The following MIGA2 variants were observed in gnomAD, a reference collection of about 807,000 sequenced individuals.
MIGA2 encodes the protein mitoguardin 2, also known as family with sequence similarity 73, member B.
In MIGA2, 36 loss-of-function variants were observed where a neutral mutation model predicts 69.9. The observed-to-expected ratio is 0.52, with a 90% CI of 0.39 to 0.68. The LOEUF (loss-of-function observed/expected upper bound fraction) is 0.68. MIGA2 is among the 30% of genes least tolerant of loss of function. MIGA2 has a pLI of 0.00. For synonymous variants in MIGA2, 333 were observed against 349.2 expected, an observed-to-expected ratio of 0.95 and a Z score of 0.52; for missense variants, 660 against 787.7, an observed-to-expected ratio of 0.84 and a Z score of 1.94.
rs1846172790 is a variant in MIGA2 at position 129,063,475 on chromosome 9, G to A, written c.1084-70G>A. On this transcript the variant is annotated intron_variant, in intron 10 of 15. Transcript: ENST00000684074. ...GGGCCACCTACCTGGCCTCTTATGT[G>A]GCCCTCTCCGTGGGCTTTGAGGGAC... 1.9e-6 allele frequency: 3 copies of A among 1,581,648 alleles called. No individual in the cohort carries two copies. The South Asian group carries it at 3.3e-5, about 18-fold the overall frequency.
At position 129,068,119 on chromosome 9, in the gene MIGA2, C is replaced by T; in HGVS notation, c.1270-79C>T. The T allele has an allele frequency of 1.3e-6, 2 of 1,598,468 alleles. No individual in the cohort carries two copies. Among genetic ancestry groups the T allele is most frequent in the East Asian group, 2.2e-5 (1 of 44,814 alleles). On this transcript the variant is annotated intron_variant, in intron 12 of 15. Transcript: ENST00000684074. The surrounding 1 kb of genome is among the most constrained non-coding windows in gnomAD (Gnocchi z 4.1). ...GTGCTCATGCCCTGGACCCCAGCTTCAGTCTCCCCATCTGGAAAGTGGCCC... is the reference window on the plus strand; with the variant it reads ...GTGCTCATGCCCTGGACCCCAGCTTTAGTCTCCCCATCTGGAAAGTGGCCC...
chr9:129,044,951 G>A (rs923915621), intron 3 of MIGA2, among the ~76,000 whole-genome samples: 2 of 144,502 alleles, frequency 1.4e-5, no homozygotes, highest in East Asian at 4.7e-4. Context: ...TATAATCCCA[G>A]CACTTTGGGA....
chr9:129,040,382 C>T, intron 1 of MIGA2, 70 bp from the exon 2 acceptor site: 4 of 1,183,944 alleles, frequency 3.4e-6, no homozygotes, highest in Non-Finnish European at 4.4e-6. Context: ...CATGGACGCT[C>T]TTCTTGAGTG....
At chr9:129,042,269 G>T in intron 2 of MIGA2, 35 bp from the exon 3 acceptor site, 1 of 1,605,450 alleles carries the variant, frequency 6.2e-7, no homozygotes, top group South Asian at 1.1e-5. Context: ...CTTCCCCAGG[G>T]AGGTGTAACC....
intron 1 of MIGA2, among the ~76,000 whole-genome samples, chr9:129,037,508 C>T (rs938401236): frequency 1.3e-5 from 2 of 152,090 alleles, no homozygotes; most frequent in African/African-American, 4.8e-5. Context: ...GGGGTCTCAG[C>T]TTAGGCCCTG....
At chr9:129,045,480 C>T (rs933069274) in intron 3 of MIGA2, among the ~76,000 whole-genome samples, 7 of 146,410 alleles carry the variant, frequency 4.8e-5, no homozygotes, top group African/African-American at 1.3e-4. Context: ...AAAAGTAGAC[C>T]GGGTGTGGTG....
At position 129,048,446 on chromosome 9, in the gene MIGA2, C is replaced by T. The variant is rs993238558; in HGVS notation, c.327C>T (p.Val109=). The change falls in exon 4 of 16, where the codon GTC becomes GTT. Residue 109 remains valine, a synonymous_variant. Coordinates refer to ENST00000684074, the MANE Select transcript of MIGA2 (RefSeq NM_001329990.2). The part of the protein sequence containing the change: ...SVKKGYSSRR[V]QSPSSKSNDT... ...TCACAGGATACTCCAGCCGGAGAGTCCAGAGCCCCAGCAGCAAGAGCAACG... is the reference window on the plus strand; with the variant it reads ...TCACAGGATACTCCAGCCGGAGAGTTCAGAGCCCCAGCAGCAAGAGCAACG... The T allele has an allele frequency of 5.0e-6, 8 of 1,613,880 alleles. No individual in the cohort carries two copies. The African/African-American group carries it at 1.1e-4, about 22-fold the overall frequency.
rs766649271 is a variant in MIGA2, at chr9:129,045,441, CAAAAAA to C, written c.307+2948_307+2953del. On this transcript the variant is annotated intron_variant, in intron 3 of 15. Transcript: ENST00000684074. The stretch of plus-strand genomic sequence containing the variant: ...TGGGCTATGGAGTAAGACTCTGTCT[CAAAAAA>C]AAAAAAAAAAAAAAAAAAAAGCAAA... Among the ~76,000 whole-genome samples the C allele has an allele frequency of 4.0e-4, 8 of 20,048 alleles. 1 individual carries two copies. Among genetic ancestry groups the C allele is most frequent in the East Asian group, 2.4e-3 (2 of 848 alleles). The allele number at this position is 20,048 out of a possible 152,430, so 13.2% of individuals were successfully genotyped here.
At chr9:129,042,231 G>A (rs1259017623) in intron 2 of MIGA2, 73 bp from the exon 3 acceptor site, 4 of 1,465,594 alleles carry the variant, frequency 2.7e-6, no homozygotes, top group Non-Finnish European at 2.8e-6. Flanking sequence ...TCCCTGAGGT[G>A]CTCTGGGGCG....
chr9:129,069,152 G>T lies in MIGA2; in HGVS notation c.1458+23G>T. On this transcript the variant is annotated intron_variant, in intron 14 of 15. Transcript: ENST00000684074. The surrounding 1 kb of genome is among the most constrained non-coding windows in gnomAD (Gnocchi z 4.9). ...ATGGTGAGTGACTGGCAGGCCCGGG[G>T]GAGCACGAGCTGGGCTCTGAGGCAG... 2 of 1,613,574 alleles carry T rather than the reference G, an allele frequency of 1.2e-6. No individual in the cohort carries two copies. The highest frequency in any genetic ancestry group is 1.7e-6 in the Non-Finnish European group (2 of 1,179,874).
In MIGA2 at chr9:129,059,288, G is replaced by T. The variant is rs1417934674; in HGVS notation, c.793+17G>T. Reference sequence around the variant, plus strand: ...TAGACCTCGGTGAGCTGGGCCCAGTGCAGGTGGGGTGGGCGTGGAGGGTGG... The same window carrying T: ...TAGACCTCGGTGAGCTGGGCCCAGTTCAGGTGGGGTGGGCGTGGAGGGTGG... On this transcript the variant is annotated intron_variant, in intron 7 of 15. Coordinates refer to ENST00000684074, the MANE Select transcript of MIGA2 (RefSeq NM_001329990.2). The surrounding 1 kb of genome is among the most constrained non-coding windows in gnomAD (Gnocchi z 5.6). The T allele has an allele frequency of 2.6e-6, 4 of 1,546,162 alleles. No homozygotes were observed. The highest frequency in any genetic ancestry group is 3.5e-6 in the Non-Finnish European group (4 of 1,138,320).
Position 129,071,767 on chromosome 9 carries a change from G to A in MIGA2, c.*1314G>A, listed in dbSNP as rs903907469. ...CCCGCCTCCCAGGCTGATGCCCGGA[G>A]GCAGCTTCCTGGGCAGGAGGGTTCC... On this transcript the variant is annotated 3_prime_UTR_variant, in exon 16 of 16. Transcript: ENST00000684074. 6.6e-6 allele frequency: 1 copy of A among 152,430 alleles called. No individual in the cohort carries two copies. The highest frequency in any genetic ancestry group is 2.4e-5 in the African/African-American group (1 of 41,426). The allele number at this position is 152,430 out of a possible 1,614,324, so 9.4% of individuals were successfully genotyped here. A position where few individuals can be genotyped will look rare whatever the true frequency, so the allele number is the denominator to read the frequency against.
In MIGA2 at chr9:129,040,492, C is replaced by A; in HGVS notation, c.-103C>A. Reference sequence around the variant, plus strand: ...CTCTGGTATGTGTGTCCCTGTCCTTCTGGGGCGTGGATGGTGCCTGGGACC... The same window carrying A: ...CTCTGGTATGTGTGTCCCTGTCCTTATGGGGCGTGGATGGTGCCTGGGACC... On this transcript the variant is annotated 5_prime_UTR_variant, in exon 2 of 16. It adds an upstream start codon to the 5' untranslated region. Coordinates refer to ENST00000684074, the MANE Select transcript of MIGA2 (RefSeq NM_001329990.2). 6.8e-7 allele frequency: 1 copy of A among 1,474,592 alleles called. No individual in the cohort carries two copies. Among genetic ancestry groups the A allele is most frequent in the Non-Finnish European group, 9.1e-7 (1 of 1,102,310 alleles). The allele number at this position is 1,474,592 out of a possible 1,614,324, so 91.3% of individuals were successfully genotyped here.
Position 129,070,304 on chromosome 9 carries a change from T to A in MIGA2, c.1633T>A (p.Ser545Thr). ...MFDLDNVRYT[S>T]LPALADDILQ... ...CGACCTGGACAATGTGCGCTACACGTCACTGCCCGCGCTGGCAGACGACAT... is the reference window on the plus strand; with the variant it reads ...CGACCTGGACAATGTGCGCTACACGACACTGCCCGCGCTGGCAGACGACAT... The change falls in exon 16 of 16, where the codon TCA (serine) becomes ACA (threonine). Residue 545 changes from serine (S) to threonine (T), a missense_variant. Physicochemically the swap from Ser to Thr is moderately conservative, Grantham distance 58. Around this residue, in one of 3 missense-constraint regions of MIGA2, gnomAD observed 220 missense variants for 301.7 expected, o/e 0.73. Transcript: ENST00000684074. 6.2e-7 allele frequency: 1 copy of A among 1,613,134 alleles called. No homozygotes were observed. The highest frequency in any genetic ancestry group is 1.7e-5 in the Admixed American group (1 of 60,028).
chr9:129,064,082 C>G (rs1166083741), intron 11 of MIGA2, among the ~76,000 whole-genome samples: 1 of 152,216 alleles, frequency 6.6e-6, no homozygotes, highest in Non-Finnish European at 1.5e-5. Flanking sequence ...CATTTAGAAG[C>G]CCGGCAGATA....
intron 6 of MIGA2, among the ~76,000 whole-genome samples, chr9:129,056,230 C>G (rs941148542): frequency 6.6e-6 from 1 of 152,030 alleles, no homozygotes; most frequent in Admixed American, 6.6e-5. Flanking sequence ...TGGTCTGTAG[C>G]AAACATTAAA....
intron 3 of MIGA2, among the ~76,000 whole-genome samples, chr9:129,043,501 T>A (rs1246942487): frequency 6.6e-6 from 1 of 151,366 alleles, no homozygotes; most frequent in Non-Finnish European, 1.5e-5. Flanking sequence ...ATTCTCCTGC[T>A]TCAGCCTCTC....
intron 1 of MIGA2, among the ~76,000 whole-genome samples, chr9:129,039,611 T>C (rs960575189): frequency 1.3e-5 from 2 of 151,988 alleles, no homozygotes; most frequent in Admixed American, 6.6e-5. Context: ...CAGGCTGGAG[T>C]GCAGTGTTGT....
chr9:129,070,646 A>G lies in MIGA2; in HGVS notation c.*193A>G. ...CCTGGGGGAAGCAGAGGCCAGGACC[A>G]GTGGGGCCTGTGGGAGAGAAAGGCT... On this transcript the variant is annotated 3_prime_UTR_variant, in exon 16 of 16. Transcript: ENST00000684074. 2 of 605,402 alleles carry G rather than the reference A, an allele frequency of 3.3e-6. No individual in the cohort carries two copies. Among genetic ancestry groups the G allele is most frequent in the South Asian group, 4.8e-5 (2 of 41,560 alleles). The allele number at this position is 605,402 out of a possible 1,614,324, so 37.5% of individuals were successfully genotyped here. A position where few individuals can be genotyped will look rare whatever the true frequency, so the allele number is the denominator to read the frequency against.
Sources: allele counts gnomAD v4.1 joint callset (sites outside exome capture counted in the v4.1 genomes callset), GRCh38; gene constraint gnomAD v4.1.1; regional missense constraint gnomAD v4.1.1; non-coding constraint Gnocchi (gnomAD v3.1); transcripts MANE v1.5; gene names NCBI Gene and HGNC (gene_info 2026-07-23, HGNC 2026-07-21).